Variants in TMEFF1 observed in about 807,000 individuals in gnomAD.
The protein encoded by TMEFF1 is tomoregulin-1.
Under a neutral mutation model 47.5 loss-of-function variants are expected in TMEFF1, and 20 were observed. The observed-to-expected ratio is 0.42, with a 90% CI of 0.30 to 0.61. TMEFF1 has a LOEUF of 0.61. TMEFF1 is among the 20% of genes least tolerant of loss of function. The pLI is 0.19. For synonymous variants in TMEFF1, 162 were observed against 166.3 expected, an observed-to-expected ratio of 0.97 and a Z score of 0.20; for missense variants, 411 against 471.1, an observed-to-expected ratio of 0.87 and a Z score of 1.18.
At chr9:100,559,021 C>T (rs138636767) in intron 7 of TMEFF1, among the ~76,000 whole-genome samples, 103 of 152,220 alleles carry the variant, frequency 6.8e-4, no homozygotes, top group African/African-American at 2.4e-3. Context: ...GGATTCAAAC[C>T]TAGGCAGTCT....
chr9:100,571,832 A>G (rs1839244607), intron 8 of TMEFF1, among the ~76,000 whole-genome samples: 1 of 151,968 alleles, frequency 6.6e-6, no homozygotes, highest in African/African-American at 2.4e-5. Context: ...GTGATGGGGG[A>G]CGGTGACAGA....
At chr9:100,545,602 G>A (rs968454997) in intron 5 of TMEFF1, among the ~76,000 whole-genome samples, 12 of 152,220 alleles carry the variant, frequency 7.9e-5, no homozygotes, top group Non-Finnish European at 1.8e-4. Context: ...ATTAACATTC[G>A]ACTGCTTGTA....
At chr9:100,509,672 G>A (rs953801990) in intron 3 of TMEFF1, among the ~76,000 whole-genome samples, 1 of 151,994 alleles carries the variant, frequency 6.6e-6, no homozygotes, top group Non-Finnish European at 1.5e-5. Context: ...TACTCGGGAG[G>A]CTGAGGCAGG....
At chr9:100,550,422 TAC>T (rs2118517432) in intron 7 of TMEFF1, among the ~76,000 whole-genome samples, 1 of 152,350 alleles carries the variant, frequency 6.6e-6, no homozygotes, top group African/African-American at 2.4e-5. Flanking sequence ...TAAGAAGTTA[TAC>T]AGAAAGATCT....
Position 100,509,022 on chromosome 9 carries a change from T to C in TMEFF1, c.324T>C (p.Ile108=). ...TTTTGCAGTGCCATACAAATTATAT[T>C]CCTGTCTGTGGATCAAATGGGGACA... ...ACQFQCHTNY[I]PVCGSNGDTY... The change falls in exon 3 of 10, where the codon ATT becomes ATC. Residue 108 remains isoleucine (I), a synonymous_variant. Coordinates refer to ENST00000374879, the MANE Select transcript of TMEFF1 (RefSeq NM_003692.5). The C allele has an allele frequency of 6.3e-7, 1 of 1,595,008 alleles. No homozygotes were observed. The highest frequency in any genetic ancestry group is 8.5e-7 in the Non-Finnish European group (1 of 1,174,132).
intron 8 of TMEFF1, among the ~76,000 whole-genome samples, chr9:100,566,556 T>C (rs571738914): frequency 2.0e-5 from 3 of 152,322 alleles, no homozygotes; most frequent in African/African-American, 7.2e-5. Flanking sequence ...TCAGAATATC[T>C]CCAGAATTTG....
chr9:100,504,598 A>G (rs1000069793), intron 2 of TMEFF1, among the ~76,000 whole-genome samples: 2 of 152,254 alleles, frequency 1.3e-5, no homozygotes, highest in African/African-American at 4.8e-5. Context: ...AGAAATGCCA[A>G]AGGTAGATTA....
At position 100,490,163 on chromosome 9, in the gene TMEFF1, T is replaced by C. The variant is rs562730505; in HGVS notation, c.197-8602T>C. Among the ~76,000 whole-genome samples, 30 of 152,342 alleles carry C rather than the reference T, an allele frequency of 2.0e-4. 1 individual carries two copies. The highest frequency in any genetic ancestry group is 6.5e-4 in the Admixed American group (10 of 15,310). ...GACGATTGTGTGGCATATGTGAAATTTCTTTCGTTAAGTATAGCTTAGAGA... is the reference window on the plus strand; with the variant it reads ...GACGATTGTGTGGCATATGTGAAATCTCTTTCGTTAAGTATAGCTTAGAGA... On this transcript the variant is annotated intron_variant, in intron 1 of 9. Transcript: ENST00000374879.
intron 5 of TMEFF1, among the ~76,000 whole-genome samples, chr9:100,520,269 G>A (rs533929463): frequency 2.6e-5 from 4 of 152,192 alleles, no homozygotes; most frequent in East Asian, 3.9e-4. Flanking sequence ...CCATGATTGC[G>A]CCACTGTGCT....
Position 100,547,872 on chromosome 9 carries a change from G to A in TMEFF1, c.689G>A (p.Arg230Lys). The A allele has an allele frequency of 6.2e-7, 1 of 1,603,482 alleles. No individual in the cohort carries two copies. Among genetic ancestry groups the A allele is most frequent in the Non-Finnish European group, 8.5e-7 (1 of 1,176,176 alleles). ...ATAAAGCAAGAACAAATTGATATAA[G>A]GCATCTTGGTCATTGCACAGGTAAA... ...SCIKQEQIDIRHLGHCTDTDD... is the reference protein window; with the variant it reads ...SCIKQEQIDIKHLGHCTDTDD... Residue 230 changes from arginine to lysine, a missense_variant, in exon 6 of 10, where the codon AGG (arginine) becomes AAG (lysine). Physicochemically the swap from Arg to Lys is conservative, Grantham distance 26. Transcript: ENST00000374879.
chr9:100,540,455 T>C (rs982824784), intron 5 of TMEFF1, among the ~76,000 whole-genome samples: 26 of 152,236 alleles, frequency 1.7e-4, no homozygotes, highest in Non-Finnish European at 3.7e-4. Flanking sequence ...TGTTCCCTGA[T>C]GAAGCCCAGC....
At chr9:100,540,286 CAG>C (rs1177691321) in intron 5 of TMEFF1, among the ~76,000 whole-genome samples, 2 of 152,224 alleles carry the variant, frequency 1.3e-5, no homozygotes, top group African/African-American at 4.8e-5. Flanking sequence ...TAGCTAGACA[CAG>C]AGTGTTGATT....
chr9:100,490,836 G>GGGGT (rs1554682718), intron 1 of TMEFF1, among the ~76,000 whole-genome samples: 1 of 136,088 alleles, frequency 7.3e-6, no homozygotes, highest in Non-Finnish European at 1.6e-5. Context: ...TTATATGTAT[G>GGGGT]GTGTGTGTGT....
At chr9:100,474,284 G>A (rs976128435) in intron 1 of TMEFF1, among the ~76,000 whole-genome samples, 5 of 151,910 alleles carry the variant, frequency 3.3e-5, no homozygotes, top group Non-Finnish European at 5.9e-5. Context: ...AAAGGGAACG[G>A]GTTGTCTTGA....
intron 1 of TMEFF1, among the ~76,000 whole-genome samples, chr9:100,488,571 A>C (rs765598053): frequency 6.6e-6 from 1 of 152,328 alleles, no homozygotes; most frequent in African/African-American, 2.4e-5. Flanking sequence ...GGTGCTAATA[A>C]AAAACAATAG....
chr9:100,473,682 T>TGGC lies in TMEFF1; in HGVS notation c.145_147dup (p.Gly49dup). On this transcript the variant is annotated inframe_insertion, in exon 1 of 10. Coordinates refer to ENST00000374879, the MANE Select transcript of TMEFF1 (RefSeq NM_003692.5). The surrounding 1 kb of genome is among the most constrained non-coding windows in gnomAD (Gnocchi z 5.4). ...GCGCGTCCAACCAGCCCCCGGGTGG[T>TGGC]GGCGGCGGCAGCGGCGGGGACTGTC... The TGGC allele has an allele frequency of 1.3e-6, 2 of 1,538,584 alleles. No individual in the cohort carries two copies. The highest frequency in any genetic ancestry group is 1.8e-6 in the Non-Finnish European group (2 of 1,141,960).
chr9:100,512,309 C>T (rs1837983366), intron 3 of TMEFF1, among the ~76,000 whole-genome samples: 1 of 152,122 alleles, frequency 6.6e-6, no homozygotes, highest in Non-Finnish European at 1.5e-5. Context: ...GAAGATTTTA[C>T]AATGGGTACT....
chr9:100,572,484 T>C, intron 8 of TMEFF1, 34 bp from the exon 9 acceptor site: 1 of 1,486,240 alleles, frequency 6.7e-7, no homozygotes, highest in Non-Finnish European at 8.9e-7. Flanking sequence ...AAATTTGTAA[T>C]TTTCATAGGA....
chr9:100,473,725 A>G lies in TMEFF1; in HGVS notation c.181A>G (p.Ser61Gly). The G allele has an allele frequency of 6.5e-7, 1 of 1,529,346 alleles. No homozygotes were observed. The highest frequency in any genetic ancestry group is 1.2e-5 in the South Asian group (1 of 81,278). 94.7% of individuals were successfully genotyped at this position (1,529,346 alleles called of 1,614,324 possible). A position where few individuals can be genotyped will look rare whatever the true frequency, so the allele number is the denominator to read the frequency against. The stretch of plus-strand genomic sequence containing the variant: ...GGACTGTCCCGGCGGCAAAGGCAAG[A>G]GCATCAACTGCTCAGGTAGGACCGG... ...GGDCPGGKGK[S>G]INCSELNVRE... Residue 61 changes from serine (S) to glycine (G), a missense_variant, in exon 1 of 10, where the codon AGC (serine) becomes GGC (glycine). Coordinates refer to ENST00000374879, the MANE Select transcript of TMEFF1 (RefSeq NM_003692.5). The surrounding 1 kb of genome is among the most constrained non-coding windows in gnomAD (Gnocchi z 5.4).
Sources: gnomAD v4.1 joint callset for allele counts (sites outside exome capture counted in the v4.1 genomes callset) on GRCh38, gnomAD v4.1.1 for gene constraint, Gnocchi (gnomAD v3.1) non-coding constraint, MANE v1.5 for transcripts, NCBI Gene and HGNC (gene_info 2026-07-23, HGNC 2026-07-21) for gene names.